COG5: variants seen among roughly 807,000 people sequenced by gnomAD.
The protein encoded by COG5 is component of oligomeric golgi complex 5, also known as conserved oligomeric Golgi complex subunit 5.
In COG5, 86 loss-of-function variants were observed where a neutral mutation model predicts 110.4. The ratio of observed to expected loss-of-function variants is 0.78; its 90% CI spans 0.65 to 0.93. The LOEUF is 0.93. Among genes scored for constraint, COG5 ranks in the 40% least tolerant of loss-of-function variants. COG5 has a pLI of 0.00. For missense variants in COG5, 1,077 were observed against 987.0 expected (o/e 1.09, Z -1.22); for synonymous variants, 360 against 334.6 (o/e 1.08, Z -0.83).
intron 6 of COG5, among the ~76,000 whole-genome samples, chr7:107,419,654 G>A (rs1258980486): frequency 4.0e-5 from 6 of 150,544 alleles, no homozygotes; most frequent in African/African-American, 1.2e-4. Flanking sequence ...TGCAACCTCC[G>A]CCTCCCAGGT....
intron 12 of COG5, among the ~76,000 whole-genome samples, chr7:107,295,270 T>C (rs1028430758): frequency 1.3e-5 from 2 of 150,370 alleles, no homozygotes; most frequent in Non-Finnish European, 3.0e-5. Flanking sequence ...CTAAATTTGT[T>C]CTTCTGCCTG....
intron 7 of COG5, among the ~76,000 whole-genome samples, chr7:107,378,094 T>C (rs1814781357): frequency 6.6e-6 from 1 of 152,202 alleles, no homozygotes; most frequent in African/African-American, 2.4e-5. Context: ...ATCTTTGCTG[T>C]TCTGCAACCT....
chr7:107,273,904 C>A (rs1804479981), intron 14 of COG5, among the ~76,000 whole-genome samples: 1 of 151,738 alleles, frequency 6.6e-6, no homozygotes, highest in African/African-American at 2.4e-5. Context: ...AGGTTTAGGA[C>A]AATAAAGATT....
In COG5 at chr7:107,404,075, A is replaced by G. The variant is rs999183605; in HGVS notation, c.669+8427T>C. On this transcript the variant is annotated intron_variant, in intron 7 of 21. Transcript: ENST00000297135. ...ACCAAAAATCTAAAAATCACTGAAGACAATGAAGATGGAGAATTTTTAGTG... is the reference window on the plus strand; with the variant it reads ...ACCAAAAATCTAAAAATCACTGAAGGCAATGAAGATGGAGAATTTTTAGTG... Among the ~76,000 whole-genome samples the G allele has an allele frequency of 3.3e-5, 5 of 152,318 alleles. No individual in the cohort carries two copies. In the East Asian group the frequency reaches 9.6e-4, roughly 29 times the overall value.
At chr7:107,433,903 G>A (rs1041833571) in intron 6 of COG5, among the ~76,000 whole-genome samples, 6 of 152,042 alleles carry the variant, frequency 3.9e-5, no homozygotes, top group African/African-American at 1.4e-4. Context: ...GAAAATATTT[G>A]CAAATAATAT....
intron 10 of COG5, among the ~76,000 whole-genome samples, chr7:107,338,315 T>C (rs188440181): frequency 2.6e-5 from 4 of 152,036 alleles, no homozygotes; most frequent in Admixed American, 6.5e-5. Context: ...GCCAATGACA[T>C]AGAATAGATA....
chr7:107,226,523 G>A (rs1800351605), intron 19 of COG5, among the ~76,000 whole-genome samples: 1 of 152,174 alleles, frequency 6.6e-6, no homozygotes, highest in Non-Finnish European at 1.5e-5. Context: ...CTCTAGGAAG[G>A]AATTTGGTAG....
chr7:107,207,723 A>T, intron 21 of COG5: 1 of 969,836 alleles, frequency 1.0e-6, no homozygotes, highest in Non-Finnish European at 1.2e-6. Context: ...AACACATACA[A>T]CTGCCCCCAT....
chr7:107,524,686 A>G (rs1207201833), intron 6 of COG5, among the ~76,000 whole-genome samples: 1 of 152,228 alleles, frequency 6.6e-6, no homozygotes, highest in Admixed American at 6.5e-5. Context: ...GTGAATAAAA[A>G]AGACATGATG....
intron 6 of COG5, among the ~76,000 whole-genome samples, chr7:107,481,672 T>G (rs1797356019): frequency 6.6e-6 from 1 of 152,170 alleles, no homozygotes; most frequent in Non-Finnish European, 1.5e-5. Flanking sequence ...ATATCAAATT[T>G]ACATACTCTG....
intron 8 of COG5, among the ~76,000 whole-genome samples, chr7:107,365,576 T>C (rs1459645560): frequency 8.5e-6 from 1 of 117,440 alleles, no homozygotes; most frequent in Non-Finnish European, 1.6e-5. Context: ...GGCCAGGGAA[T>C]GTTCAACATT....
chr7:107,526,887 G>A lies in COG5; in HGVS notation c.538+350C>T, dbSNP rs145066196. Among the ~76,000 whole-genome samples, 259 of 152,220 alleles carry A rather than the reference G, an allele frequency of 1.7e-3. 1 individual carries two copies. Among genetic ancestry groups the A allele is most frequent in the African/African-American group, 5.5e-3 (230 of 41,538 alleles). On this transcript the variant is annotated intron_variant, in intron 6 of 21. Coordinates refer to ENST00000297135, the MANE Select transcript of COG5 (RefSeq NM_006348.5). ...AGTGGCTGTCAGGACTAGCAGAAGC[G>A]GGTAGGCATCACCGTGAAGGGATAA...
At chr7:107,263,685 T>A (rs1584591586) in intron 14 of COG5, among the ~76,000 whole-genome samples, 1 of 152,232 alleles carries the variant, frequency 6.6e-6, no homozygotes, top group Non-Finnish European at 1.5e-5. Flanking sequence ...CACTATTTTT[T>A]AAAATTTAAT....
intron 10 of COG5, among the ~76,000 whole-genome samples, chr7:107,360,965 C>T (rs915016367): frequency 5.9e-5 from 9 of 152,192 alleles, no homozygotes; most frequent in African/African-American, 1.9e-4. Context: ...AAGTGACACC[C>T]TAAGGATCCT....
intron 11 of COG5, among the ~76,000 whole-genome samples, chr7:107,300,870 A>G (rs557407017): frequency 6.6e-6 from 1 of 152,272 alleles, no homozygotes; most frequent in African/African-American, 2.4e-5. Context: ...AAAAACAACA[A>G]TGTTGGAGTA....
At chr7:107,425,505 T>TAAA (rs202168362) in intron 6 of COG5, among the ~76,000 whole-genome samples, 1 of 137,090 alleles carries the variant, frequency 7.3e-6, no homozygotes. Context: ...TGAATTTTAC[T>TAAA]AAAAAAAAAA....
chr7:107,313,888 G>A (rs1201176026), intron 11 of COG5, among the ~76,000 whole-genome samples: 2 of 152,050 alleles, frequency 1.3e-5, no homozygotes, highest in Non-Finnish European at 2.9e-5. Flanking sequence ...CTCTTTGGAA[G>A]GACTATTATT....
intron 6 of COG5, among the ~76,000 whole-genome samples, chr7:107,420,294 A>G (rs75358429): frequency 6.6e-6 from 1 of 152,232 alleles, no homozygotes; most frequent in Non-Finnish European, 1.5e-5. Flanking sequence ...GGCAATATGC[A>G]TGAAGCACGT....
chr7:107,559,201 C>A (rs950047380), intron 1 of COG5, among the ~76,000 whole-genome samples: 1 of 151,840 alleles, frequency 6.6e-6, no homozygotes, highest in Non-Finnish European at 1.5e-5. Context: ...TTAAAATAGG[C>A]CCCTAATAGA....
Sources: allele counts gnomAD v4.1 joint callset (sites outside exome capture counted in the v4.1 genomes callset), GRCh38; gene constraint gnomAD v4.1.1; transcripts MANE v1.5; gene names NCBI Gene and HGNC (gene_info 2026-07-23, HGNC 2026-07-21).